IL9R: variants seen among roughly 807,000 people sequenced by gnomAD.
IL9R encodes interleukin-9 receptor.
A neutral mutation model predicts 56.3 loss-of-function variants in IL9R; 54 were observed. The observed-to-expected ratio is 0.96, with a 90% CI of 0.77 to 1.20. The LOEUF (loss-of-function observed/expected upper bound fraction) is 1.20, where lower values mean the gene tolerates loss of function less well. IL9R is among the 50% of genes most tolerant of loss of function. IL9R has a pLI of 0.00. For synonymous variants in IL9R, 212 were observed against 250.2 expected, an observed-to-expected ratio of 0.85 and a Z score of 1.44; for missense variants, 545 against 629.8, an observed-to-expected ratio of 0.87 and a Z score of 1.44.
At chrX:155,999,478 C>G (rs927910851) in intron 1 of IL9R, among the ~76,000 whole-genome samples, 2 of 152,136 alleles carry the variant, frequency 1.3e-5, no homozygotes, top group African/African-American at 2.4e-5. Flanking sequence ...GTACTTGCCT[C>G]CAGCTGGCCT....
At chrX:156,006,401 G>T (rs772459714) in intron 7 of IL9R, among the ~76,000 whole-genome samples, 6 of 146,602 alleles carry the variant, frequency 4.1e-5, no homozygotes, top group Admixed American at 2.7e-4. Context: ...TCCAGAAGAG[G>T]GTTCTCAAGT....
intron 4 of IL9R, 108 bp from the exon 5 acceptor site, chrX:156,004,312 G>T (rs2067754585): frequency 1.7e-6 from 2 of 1,149,098 alleles, no homozygotes; most frequent in Non-Finnish European, 2.6e-6. Flanking sequence ...GTCTGAGAGG[G>T]CCTTGACCAT....
chrX:156,003,917 G>A lies in IL9R; in HGVS notation c.433+62G>A. On this transcript the variant is annotated intron_variant, in intron 4 of 8. Coordinates refer to ENST00000244174, the MANE Select transcript of IL9R (RefSeq NM_002186.3). ...GGCAAGAACATCCTGGCTGCTTGGG[G>A]GTTTGGAGCAGGGCCTTGCAGCCTG... The A allele has an allele frequency of 3.2e-6, 5 of 1,567,550 alleles. No individual in the cohort carries two copies. In the South Asian group the frequency reaches 5.7e-5, roughly 18 times the overall value.
chrX:156,009,429 T>TTGTGTG (rs754546109), intron 8 of IL9R, among the ~76,000 whole-genome samples: 208 of 134,078 alleles, frequency 1.6e-3, no homozygotes, highest in African/African-American at 5.1e-3. Flanking sequence ...TTGTGTATGT[T>TTGTGTG]TGTGTGTGTG....
At chrX:156,008,933 TTGTGTGTGTA>T (rs2068197462) in intron 8 of IL9R, among the ~76,000 whole-genome samples, 1 of 114,192 alleles carries the variant, frequency 8.8e-6, no homozygotes, top group African/African-American at 4.4e-5. Flanking sequence ...GTGTGTGTGT[TTGTGTGTGTA>T]TGTCTGTGTG....
At chrX:155,997,899 A>T in intron 1 of IL9R, 112 bp downstream of exon 1, 1 of 1,014,218 alleles carries the variant, frequency 9.9e-7, no homozygotes, top group Non-Finnish European at 1.6e-6. Flanking sequence ...GTGGCATTTG[A>T]GAGCGCCACC....
chrX:156,001,536 C>T (rs1569469118), intron 1 of IL9R: 3 of 1,456,566 alleles, frequency 2.1e-6, no homozygotes, highest in East Asian at 2.3e-5. Flanking sequence ...TCAGTCTTAA[C>T]AGGGGACTGT....
chrX:156,003,982 G>A, intron 4 of IL9R, 127 bp downstream of exon 4: 1 of 1,008,474 alleles, frequency 9.9e-7, no homozygotes, highest in South Asian at 1.6e-5. Context: ...AGCCGAGTGA[G>A]ATCCAGGGCT....
At chrX:156,009,484 C>CAG in intron 8 of IL9R, among the ~76,000 whole-genome samples, 1 of 148,740 alleles carries the variant, frequency 6.7e-6, no homozygotes, top group Non-Finnish European at 1.5e-5. Flanking sequence ...TGCTGAAAGG[C>CAG]CCTGAGGCAC....
chrX:156,005,241 C>A, intron 5 of IL9R, 37 bp from the exon 6 acceptor site: 1 of 1,581,150 alleles, frequency 6.3e-7, no homozygotes, highest in African/African-American at 1.3e-5. Context: ...GACCCAGCCC[C>A]ACCTTCACCA....
At chrX:156,009,103 GTGTGTT>G (rs1386903729) in intron 8 of IL9R, among the ~76,000 whole-genome samples, 1 of 151,772 alleles carries the variant, frequency 6.6e-6, no homozygotes, top group Non-Finnish European at 1.5e-5. Context: ...GTGTCTGTGT[GTGTGTT>G]TATGTGTCTG....
At chrX:156,007,422 G>A in intron 7 of IL9R, 101 bp from the exon 8 acceptor site, 1 of 805,868 alleles carries the variant, frequency 1.2e-6, no homozygotes, top group Non-Finnish European at 2.2e-6. Flanking sequence ...GCAGGGACGA[G>A]GTGGGCGGAC....
chrX:156,003,305 TC>T (rs1569471049), intron 2 of IL9R, 143 bp from the exon 3 acceptor site: 1 of 702,964 alleles, frequency 1.4e-6, no homozygotes, highest in East Asian at 2.7e-5. Context: ...TTCCCAGGCC[TC>T]CCAGTGCTTC....
In IL9R at chrX:156,006,097, C is replaced by T. The variant is rs1367623452; in HGVS notation, c.796C>T (p.Pro266Ser). The T allele has an allele frequency of 6.2e-7, 1 of 1,600,748 alleles. No homozygotes were observed. Among genetic ancestry groups the T allele is most frequent in the Non-Finnish European group, 8.5e-7 (1 of 1,169,802 alleles). The change falls in exon 7 of 9, where the codon CCC becomes TCC. Residue 266 changes from proline to serine, a missense_variant. By Grantham distance (74) the Pro-to-Ser change is moderately conservative. Around this residue, in one of 2 missense-constraint regions of IL9R, gnomAD observed 431 missense variants for 360.0 expected, o/e 1.20. Coordinates refer to ENST00000244174, the MANE Select transcript of IL9R (RefSeq NM_002186.3). The stretch of plus-strand genomic sequence containing the variant: ...CCTGTCCACAGGCCCTCTGATCCCA[C>T]CCTGGGGGTGGCCAGGCAACACCCT... ...APQRQGPLIP[P>S]WGWPGNTLVA...
chrX:156,005,530 C>G (rs2067871125), intron 6 of IL9R, 51 bp downstream of exon 6: 25 of 1,496,668 alleles, frequency 1.7e-5, no homozygotes, highest in Non-Finnish European at 2.3e-5. Flanking sequence ...GGCTGGGCGT[C>G]TTCTCCCCTG....
chrX:156,001,573 G>A (rs2124497408), intron 1 of IL9R: 3 of 1,158,560 alleles, frequency 2.6e-6, no homozygotes, highest in Non-Finnish European at 2.6e-6. Context: ...TACGCTGCCG[G>A]GAGTGGGGCA....
intron 1 of IL9R, among the ~76,000 whole-genome samples, chrX:155,999,698 G>A (rs1283519672): frequency 6.6e-6 from 1 of 152,096 alleles, no homozygotes; most frequent in Non-Finnish European, 1.5e-5. Context: ...GGGTACCAAG[G>A]TCTGCATTTC....
At chrX:156,009,094 TG>T (rs2068238179) in intron 8 of IL9R, among the ~76,000 whole-genome samples, 1 of 150,182 alleles carries the variant, frequency 6.7e-6, no homozygotes, top group Non-Finnish European at 1.5e-5. Flanking sequence ...TGTGTGTGTG[TG>T]TCTGTGTGTG....
intron 1 of IL9R, among the ~76,000 whole-genome samples, chrX:155,998,632 G>A (rs890433230): frequency 1.1e-4 from 16 of 151,972 alleles, no homozygotes; most frequent in Non-Finnish European, 2.1e-4. Flanking sequence ...TCCTCTCAGC[G>A]TGTCTTCAAG....
Sources: gnomAD v4.1 joint callset for allele counts (sites outside exome capture counted in the v4.1 genomes callset) on GRCh38, gnomAD v4.1.1 for gene constraint, gnomAD v4.1.1 regional missense constraint, MANE v1.5 for transcripts, NCBI Gene and HGNC (gene_info 2026-07-23, HGNC 2026-07-21) for gene names.